AK9: variants seen among roughly 807,000 people sequenced by gnomAD.
AK9 encodes adenylate kinase domain containing 1.
In AK9, 191 loss-of-function variants were observed where a neutral mutation model predicts 239.6. That is an observed-to-expected ratio of 0.80 (90% CI 0.71 to 0.90). The LOEUF (loss-of-function observed/expected upper bound fraction) is 0.90. Among genes scored for constraint, AK9 ranks in the 40% least tolerant of loss-of-function variants. The pLI is 0.00. For synonymous variants in AK9, 689 were observed against 721.0 expected (o/e 0.96, Z 0.71); for missense variants, 1,995 against 2,214.7 (o/e 0.90, Z 1.99).
At chr6:109,515,161 G>A (rs979376195) in intron 31 of AK9, among the ~76,000 whole-genome samples, 2 of 152,206 alleles carry the variant, frequency 1.3e-5, no homozygotes, top group African/African-American at 4.8e-5. Context: ...GTGGTATTTT[G>A]TAACGGCAGC....
At chr6:109,660,825 G>T (rs1236759559) in intron 6 of AK9, 1 of 339,472 alleles carries the variant, frequency 2.9e-6, no homozygotes, top group Non-Finnish European at 5.8e-6. Context: ...TAGTTCTGGG[G>T]TAGGGCCTGA....
intron 35 of AK9, among the ~76,000 whole-genome samples, chr6:109,500,690 G>A (rs1022581876): frequency 6.6e-6 from 1 of 152,146 alleles, no homozygotes; most frequent in African/African-American, 2.4e-5. Context: ...GGCCAGAAAT[G>A]TTGGATAATT....
intron 32 of AK9, 59 bp downstream of exon 32, chr6:109,514,165 C>T (rs951474590): frequency 6.9e-7 from 1 of 1,451,876 alleles, no homozygotes; most frequent in South Asian, 1.3e-5. Flanking sequence ...CTGCCATGTG[C>T]ATTGGGTACA....
intron 1 of AK9, among the ~76,000 whole-genome samples, chr6:109,685,054 G>A (rs955738768): frequency 6.6e-6 from 1 of 152,016 alleles, no homozygotes; most frequent in Non-Finnish European, 1.5e-5. Context: ...AGTTAGAATG[G>A]CAATCATTAA....
chr6:109,555,683 G>A (rs917133170), intron 24 of AK9, among the ~76,000 whole-genome samples: 2 of 152,148 alleles, frequency 1.3e-5, no homozygotes, highest in Non-Finnish European at 2.9e-5. Context: ...TTATGAATCT[G>A]GCTGCTCTTG....
intron 16 of AK9, among the ~76,000 whole-genome samples, chr6:109,611,707 G>C (rs1040599874): frequency 6.6e-6 from 1 of 152,106 alleles, no homozygotes; most frequent in African/African-American, 2.4e-5. Flanking sequence ...GATGGCTGGA[G>C]CTCCAGCAGC....
chr6:109,506,654 C>T lies in AK9; in HGVS notation c.4628G>A (p.Arg1543Lys). 6.5e-7 allele frequency: 1 copy of T among 1,530,262 alleles called. No individual in the cohort carries two copies. Among genetic ancestry groups the T allele is most frequent in the Non-Finnish European group, 8.8e-7 (1 of 1,133,130 alleles). 94.8% of individuals were successfully genotyped at this position (1,530,262 alleles called of 1,614,324 possible). ...RLLLEKENEQ[R>K]LPYPLHNSAQ... ...TTGTTGTCTTCATCATGTACATTAC[C>T]TTTGTTCATTTTCTTTTTCTAGGAG... is the stretch of plus-strand genomic sequence containing the variant. The change falls in exon 34 of 41, where the codon AGA becomes AAA. Residue 1543 changes from arginine to lysine, a missense_variant and splice_region_variant. Transcript: ENST00000424296.
intron 28 of AK9, 82 bp downstream of exon 28, chr6:109,533,168 AT>A (rs1204095043): frequency 1.9e-6 from 2 of 1,039,796 alleles, no homozygotes; most frequent in South Asian, 2.4e-5. Flanking sequence ...AGAATACTAT[AT>A]TTTTTGTGAA....
chr6:109,651,506 G>C (rs938390033), intron 8 of AK9, among the ~76,000 whole-genome samples: 1 of 152,108 alleles, frequency 6.6e-6, no homozygotes, highest in African/African-American at 2.4e-5. Flanking sequence ...ACAATGAAAA[G>C]AACTAGAGAA....
At chr6:109,529,939 G>A (rs550208679) in intron 28 of AK9, among the ~76,000 whole-genome samples, 17 of 152,222 alleles carry the variant, frequency 1.1e-4, no homozygotes, top group Admixed American at 8.5e-4. Flanking sequence ...CCACAGACTG[G>A]TATCCATCCA....
intron 35 of AK9, among the ~76,000 whole-genome samples, chr6:109,505,558 T>C (rs769174254): frequency 4.6e-5 from 7 of 152,152 alleles, no homozygotes; most frequent in Non-Finnish European, 7.3e-5. Context: ...CTATAATGGG[T>C]GTAAATAGTA....
At position 109,506,340 on chromosome 6, in the gene AK9, T is replaced by C; in HGVS notation, c.4836A>G (p.Glu1612=). ...MVNKYMQTYL[E]RIKAGKAACI... Reference sequence around the variant, plus strand: ...GTGCTATCTTACCTGCTTTTATTCTTTCCAGGTATGTCTGCATGTATTTAT... The same window carrying C: ...GTGCTATCTTACCTGCTTTTATTCTCTCCAGGTATGTCTGCATGTATTTAT... The change falls in exon 35 of 41, where the codon GAA becomes GAG. Residue 1612 remains glutamate, a synonymous_variant. Transcript: ENST00000424296. The C allele has an allele frequency of 6.2e-7, 1 of 1,613,456 alleles. No homozygotes were observed. Among genetic ancestry groups the C allele is most frequent in the Non-Finnish European group, 8.5e-7 (1 of 1,179,790 alleles).
intron 19 of AK9, among the ~76,000 whole-genome samples, chr6:109,584,752 A>G (rs929850886): frequency 6.6e-6 from 1 of 152,138 alleles, no homozygotes; most frequent in Non-Finnish European, 1.5e-5. Context: ...CACAAGTACT[A>G]TATATTTTCA....
At chr6:109,661,563 C>CTG (rs1338484692) in intron 6 of AK9, among the ~76,000 whole-genome samples, 1 of 152,192 alleles carries the variant, frequency 6.6e-6, no homozygotes, top group Non-Finnish European at 1.5e-5. Flanking sequence ...TGAGATATCT[C>CTG]TGTTATGTCC....
intron 17 of AK9, among the ~76,000 whole-genome samples, chr6:109,592,254 C>CAAT (rs1790349808): frequency 6.6e-6 from 1 of 151,878 alleles, no homozygotes; most frequent in Middle Eastern, 3.2e-3. Context: ...CAGCAAAACA[C>CAAT]AATAATAATA....
At chr6:109,614,037 T>C in intron 15 of AK9, 146 bp downstream of exon 15, 1 of 695,738 alleles carries the variant, frequency 1.4e-6, no homozygotes, top group Non-Finnish European at 2.4e-6. Flanking sequence ...GTTGTTCAGG[T>C]TAAATCCATA....
At chr6:109,496,757 T>C (rs1419558190) in intron 38 of AK9, among the ~76,000 whole-genome samples, 1 of 152,142 alleles carries the variant, frequency 6.6e-6, no homozygotes, top group African/African-American at 2.4e-5. Context: ...CATGCTATCA[T>C]ATTTCAGACA....
At chr6:109,601,626 G>A (rs1166387677) in intron 17 of AK9, among the ~76,000 whole-genome samples, 1 of 151,420 alleles carries the variant, frequency 6.6e-6, no homozygotes, top group Non-Finnish European at 1.5e-5. Context: ...TCAATTCCTG[G>A]ATATTCTTGT....
rs540983689 is a variant in AK9 at position 109,644,361 on chromosome 6, C to T, written c.834+253G>A. On this transcript the variant is annotated intron_variant, in intron 9 of 40. Transcript: ENST00000424296. ...ATGATGTTCAGCATCTTCTCATGTG[C>T]TTTTGGTTACCATTGCTTTTACTTT... 1,307 of 339,374 alleles carry T rather than the reference C, an allele frequency of 3.9e-3. 5 individuals carry two copies. Among genetic ancestry groups the T allele is most frequent in the Non-Finnish European group, 5.7e-3 (1,094 of 190,600 alleles). 21.0% of individuals were successfully genotyped at this position (339,374 alleles called of 1,614,324 possible). A position where few individuals can be genotyped will look rare whatever the true frequency, so the allele number is the denominator to read the frequency against.
Sources: gnomAD v4.1 joint callset for allele counts (sites outside exome capture counted in the v4.1 genomes callset) on GRCh38, gnomAD v4.1.1 for gene constraint, MANE v1.5 for transcripts, NCBI Gene and HGNC (gene_info 2026-07-23, HGNC 2026-07-21) for gene names.